BRINP3: variants seen among roughly 807,000 people sequenced by gnomAD.
BRINP3 encodes BMP/retinoic acid inducible neural specific 3.
A neutral mutation model predicts 71.0 loss-of-function variants in BRINP3; 19 were observed. That is an observed-to-expected ratio of 0.27 (90% CI 0.19 to 0.39). BRINP3 has a LOEUF of 0.39. Ranked by LOEUF, BRINP3 falls within the 10% of genes least tolerant of loss-of-function variation. BRINP3 has a pLI of 1.00. For synonymous variants in BRINP3, 380 were observed against 337.7 expected (o/e 1.13, Z -1.37); for missense variants, 959 against 940.8 (o/e 1.02, Z -0.25).
At chr1:190,470,928 A>T (rs1431477739) in intron 1 of BRINP3, among the ~76,000 whole-genome samples, 2 of 151,198 alleles carry the variant, frequency 1.3e-5, no homozygotes, top group Non-Finnish European at 3.0e-5. Context: ...TATTTTGAGT[A>T]TGAAATTGGG....
intron 6 of BRINP3, among the ~76,000 whole-genome samples, chr1:190,199,176 C>T (rs975235536): frequency 2.0e-5 from 3 of 152,124 alleles, no homozygotes; most frequent in African/African-American, 7.2e-5. Context: ...ACAGGAAACA[C>T]CCATTTCCAT....
chr1:190,142,823 AT>A (rs1366941251), intron 7 of BRINP3, among the ~76,000 whole-genome samples: 17 of 148,808 alleles, frequency 1.1e-4, no homozygotes, highest in Non-Finnish European at 1.3e-4. Context: ...AATATGTTTT[AT>A]TTAGGGAAAA....
intron 6 of BRINP3, among the ~76,000 whole-genome samples, chr1:190,201,337 A>G (rs978714518): frequency 6.6e-6 from 1 of 151,956 alleles, no homozygotes; most frequent in African/African-American, 2.4e-5. Flanking sequence ...GAAATTCCTA[A>G]GCAGCACAGC....
intron 2 of BRINP3, among the ~76,000 whole-genome samples, chr1:190,395,565 A>G (rs1171334): frequency 0.37 from 55,716 of 151,502 alleles, 11,181 homozygotes; most frequent in Admixed American, 0.49. Flanking sequence ...TGAGAAGTAT[A>G]TGATTTTATA....
intron 6 of BRINP3, among the ~76,000 whole-genome samples, chr1:190,175,993 T>C (rs74128893): frequency 0.16 from 23,660 of 152,106 alleles, 2,969 homozygotes; most frequent in African/African-American, 0.32. Flanking sequence ...GACAGTAACA[T>C]GTGTTTTTGT....
intron 2 of BRINP3, among the ~76,000 whole-genome samples, chr1:190,361,384 AGTTTTT>A (rs540887460): frequency 4.0e-4 from 60 of 151,716 alleles, no homozygotes; most frequent in African/African-American, 1.4e-3. Context: ...ATATAAGACC[AGTTTTT>A]GTTTTTGTTT....
At chr1:190,162,004 C>T (rs554246810) in intron 6 of BRINP3, among the ~76,000 whole-genome samples, 2 of 151,992 alleles carry the variant, frequency 1.3e-5, no homozygotes, top group African/African-American at 2.4e-5. Context: ...TTTCCTAGAT[C>T]AAATAAGTAC....
At chr1:190,130,405 T>A (rs1205561558) in intron 7 of BRINP3, among the ~76,000 whole-genome samples, 2 of 152,024 alleles carry the variant, frequency 1.3e-5, no homozygotes, top group Non-Finnish European at 2.9e-5. Flanking sequence ...AGATTTCATA[T>A]CTTTAAAACT....
At chr1:190,453,201 G>GTTTTTTTTTTTTTTTTTTT (rs745819844) in intron 2 of BRINP3, among the ~76,000 whole-genome samples, 1 of 37,854 alleles carries the variant, frequency 2.6e-5, no homozygotes, top group Non-Finnish European at 6.1e-5. Flanking sequence ...AAAAACTTTA[G>GTTTTTTTTTTTTTTTTTTT]TATTTTTTTT....
chr1:190,386,648 C>T (rs1002254961), intron 2 of BRINP3, among the ~76,000 whole-genome samples: 3 of 151,848 alleles, frequency 2.0e-5, no homozygotes, highest in Non-Finnish European at 4.4e-5. Context: ...GAGTCAGATG[C>T]CTGAGGTGAT....
At chr1:190,352,440 C>T (rs1037560642) in intron 2 of BRINP3, among the ~76,000 whole-genome samples, 3 of 151,898 alleles carry the variant, frequency 2.0e-5, no homozygotes, top group Admixed American at 1.3e-4. Flanking sequence ...CAGTATCACA[C>T]AAAGTAAGGT....
intron 2 of BRINP3, among the ~76,000 whole-genome samples, chr1:190,282,733 CCTT>C (rs1663133491): frequency 6.6e-6 from 1 of 151,844 alleles, no homozygotes; most frequent in African/African-American, 2.4e-5. Context: ...CTGCAAGTAG[CCTT>C]CTCCTTTTGG....
At chr1:190,412,476 T>TG (rs1256014724) in intron 2 of BRINP3, among the ~76,000 whole-genome samples, 1 of 138,636 alleles carries the variant, frequency 7.2e-6, no homozygotes, top group African/African-American at 2.6e-5. Context: ...GTTTTTTTTT[T>TG]TTTTGAGACG....
intron 2 of BRINP3, among the ~76,000 whole-genome samples, chr1:190,349,769 A>C (rs1439279646): frequency 6.6e-6 from 1 of 152,130 alleles, no homozygotes; most frequent in Non-Finnish European, 1.5e-5. Flanking sequence ...ATGTTTTGGA[A>C]AGCAAATAAA....
intron 6 of BRINP3, among the ~76,000 whole-genome samples, chr1:190,212,253 G>A (rs1656052113): frequency 2.0e-5 from 3 of 152,038 alleles, no homozygotes; most frequent in Admixed American, 2.0e-4. Context: ...AGTTCATCAA[G>A]TCTAAATAAA....
At chr1:190,273,977 A>T (rs1662337216) in intron 3 of BRINP3, among the ~76,000 whole-genome samples, 1 of 151,622 alleles carries the variant, frequency 6.6e-6, no homozygotes. Context: ...TTCATGATGC[A>T]TTATATTTAT....
At chr1:190,367,202 A>T (rs1368412287) in intron 2 of BRINP3, among the ~76,000 whole-genome samples, 1 of 152,162 alleles carries the variant, frequency 6.6e-6, no homozygotes, top group Non-Finnish European at 1.5e-5. Context: ...GCATTTCCAC[A>T]CATTCTCTGA....
In BRINP3 at chr1:190,454,789, A is replaced by G. The variant is rs1414595801; in HGVS notation, c.102T>C (p.Ala34=). 6.2e-7 allele frequency: 1 copy of G among 1,614,190 alleles called. No individual in the cohort carries two copies. Among genetic ancestry groups the G allele is most frequent in the African/African-American group, 1.3e-5 (1 of 75,046 alleles). The change falls in exon 2 of 8, where the codon GCT becomes GCC. Residue 34 remains alanine (A), a synonymous_variant. Transcript: ENST00000367462. The part of the protein sequence containing the change: ...SLHCWVLAVA[A]VSDQHATSPF... ...GGCTTGTGGCATGCTGATCCGAAAC[A>G]GCAGCAACCGCTAAAACCCAGCAAT...
intron 7 of BRINP3, among the ~76,000 whole-genome samples, chr1:190,150,958 A>T (rs1006868525): frequency 1.3e-5 from 2 of 152,064 alleles, no homozygotes; most frequent in African/African-American, 4.8e-5. Context: ...AGACCACCAC[A>T]TCCTCAGAAT....
Sources: allele counts gnomAD v4.1 joint callset (sites outside exome capture counted in the v4.1 genomes callset), GRCh38; gene constraint gnomAD v4.1.1; transcripts MANE v1.5; gene names NCBI Gene and HGNC (gene_info 2026-07-23, HGNC 2026-07-21).